The following LANCL2 variants were observed in gnomAD, a reference collection of about 807,000 sequenced individuals.
The protein encoded by LANCL2 is lanC-like protein 2.
Under a neutral mutation model 56.9 loss-of-function variants are expected in LANCL2, and 33 were observed. The ratio of observed to expected loss-of-function variants is 0.58; its 90% CI spans 0.44 to 0.78. The LOEUF is 0.78. LANCL2 is among the 30% of genes least tolerant of loss of function. The probability of loss-of-function intolerance (pLI) is 0.00; values close to 1 mark genes in which losing one functional copy is unlikely to be tolerated. For missense variants in LANCL2, 562 were observed against 580.2 expected (o/e 0.97, Z 0.32); for synonymous variants, 233 against 228.2 (o/e 1.02, Z -0.19).
At chr7:55,405,888 G>A (rs1309754893) in intron 5 of LANCL2, among the ~76,000 whole-genome samples, 11 of 84,084 alleles carry the variant, frequency 1.3e-4, no homozygotes, top group African/African-American at 4.4e-4. Flanking sequence ...TTCTTAGGCA[G>A]TGGCGTGGTA....
chr7:55,365,649 A>T lies in LANCL2; in HGVS notation c.-377A>T, dbSNP rs1789849128. 1 of 172,998 alleles carries T rather than the reference A, an allele frequency of 5.8e-6. No individual in the cohort carries two copies. Among genetic ancestry groups the T allele is most frequent in the South Asian group, 2.0e-4 (1 of 5,042 alleles). 10.7% of individuals were successfully genotyped at this position (172,998 alleles called of 1,614,324 possible). ...GGGCTGGCCGGGCGCAGCGATCCCC[A>T]CCCCGGGACTCCAGCCCCGGCCGTG... On this transcript the variant is annotated 5_prime_UTR_variant, in exon 1 of 9. Transcript: ENST00000254770.
In LANCL2 at chr7:55,395,654, C is replaced by T. The variant is rs567585371; in HGVS notation, c.323-2769C>T. On this transcript the variant is annotated intron_variant, in intron 2 of 8. Coordinates refer to ENST00000254770, the MANE Select transcript of LANCL2 (RefSeq NM_018697.4). Reference sequence around the variant, plus strand: ...AAGATAAAGAGAGACTTCAGTTTTCCAGTCTAGCATATAAAGAGTTTACAA... The same window carrying T: ...AAGATAAAGAGAGACTTCAGTTTTCTAGTCTAGCATATAAAGAGTTTACAA... Among the ~76,000 whole-genome samples the T allele has an allele frequency of 6.6e-5, 10 of 152,186 alleles. No homozygotes were observed. In the South Asian group the frequency reaches 2.1e-3, roughly 32 times the overall value.
chr7:55,392,061 G>A (rs182355654), intron 2 of LANCL2, 151 bp downstream of exon 2: 3 of 475,078 alleles, frequency 6.3e-6, no homozygotes, highest in Non-Finnish European at 1.2e-5. Flanking sequence ...TGGAGGCCGA[G>A]GCAGGTGGAT....
In LANCL2 at chr7:55,366,245, G is replaced by A. The variant is rs555675982; in HGVS notation, c.204+16G>A. Reference sequence around the variant, plus strand: ...GGACGGGAAGGTGAGTCGGCGGCCTGGCCGCAGAGGCGCCGGAGGGGGAGC... The same window carrying A: ...GGACGGGAAGGTGAGTCGGCGGCCTAGCCGCAGAGGCGCCGGAGGGGGAGC... On this transcript the variant is annotated intron_variant, in intron 1 of 8. Transcript: ENST00000254770. 253 of 1,470,296 alleles carry A rather than the reference G, an allele frequency of 1.7e-4. 5 individuals are homozygous for A. The South Asian group carries it at 2.5e-3, about 14-fold the overall frequency. The allele number at this position is 1,470,296 out of a possible 1,614,324, so 91.1% of individuals were successfully genotyped here.
chr7:55,382,128 C>T (rs1009874071), intron 1 of LANCL2, among the ~76,000 whole-genome samples: 1 of 152,164 alleles, frequency 6.6e-6, no homozygotes, highest in Non-Finnish European at 1.5e-5. Context: ...ATAAAAGACA[C>T]ATTTTCAAAA....
At chr7:55,425,470 G>A (rs1165681815) in intron 7 of LANCL2, 40 bp downstream of exon 7, 8 of 1,585,178 alleles carry the variant, frequency 5.0e-6, no homozygotes, top group African/African-American at 4.0e-5. Flanking sequence ...GAACAACCCC[G>A]AGTGTGCACA....
At position 55,432,767 on chromosome 7, in the gene LANCL2, T is replaced by C. The variant is rs1020134389; in HGVS notation, c.*1447T>C. 2.0e-5 allele frequency: 3 copies of C among 152,270 alleles called. No individual in the cohort carries two copies. The highest frequency in any genetic ancestry group is 2.0e-4 in the Admixed American group (3 of 15,292). The allele number at this position is 152,270 out of a possible 1,614,324, so 9.4% of individuals were successfully genotyped here. ...CCCGAAATGTGTGACATTCAGCTTC[T>C]AAACGATGCCTGGAGAGTCTGTTTG... On this transcript the variant is annotated 3_prime_UTR_variant, in exon 9 of 9. Transcript: ENST00000254770.
chr7:55,415,919 T>C (rs1376477118), intron 6 of LANCL2, among the ~76,000 whole-genome samples: 1 of 152,074 alleles, frequency 6.6e-6, no homozygotes, highest in Non-Finnish European at 1.5e-5. Flanking sequence ...CCGGCCAGTT[T>C]ATCATTGTTT....
At chr7:55,416,186 T>C (rs1790537265) in intron 6 of LANCL2, among the ~76,000 whole-genome samples, 1 of 152,202 alleles carries the variant, frequency 6.6e-6, no homozygotes, top group African/African-American at 2.4e-5. Context: ...CATTGTGGTT[T>C]TATTTGTATC....
At chr7:55,395,226 A>G (rs1165679084) in intron 2 of LANCL2, among the ~76,000 whole-genome samples, 1 of 152,214 alleles carries the variant, frequency 6.6e-6, no homozygotes, top group African/African-American at 2.4e-5. Flanking sequence ...TATTTTATCC[A>G]TAATATAAAG....
chr7:55,397,027 T>C (rs1305892781), intron 2 of LANCL2: 1 of 152,180 alleles, frequency 6.6e-6, no homozygotes, highest in African/African-American at 2.4e-5. Context: ...TACTTTCATA[T>C]CCGTTTGACT....
In LANCL2 at chr7:55,365,533, A is replaced by T. The variant is rs1789846535; in HGVS notation, c.-493A>T. The T allele has an allele frequency of 6.6e-6, 1 of 152,406 alleles. No individual in the cohort carries two copies. The highest frequency in any genetic ancestry group is 2.1e-4 in the South Asian group (1 of 4,838). 9.4% of individuals were successfully genotyped at this position (152,406 alleles called of 1,614,324 possible). A position where few individuals can be genotyped will look rare whatever the true frequency, so the allele number is the denominator to read the frequency against. On this transcript the variant is annotated 5_prime_UTR_variant, in exon 1 of 9. Transcript: ENST00000254770. ...TCGCCCCGGTCGGCGACGCGCACAC[A>T]CCTTGAGTGACAGCGACCTCTTCTC...
chr7:55,398,668 C>T, intron 3 of LANCL2, 38 bp downstream of exon 3: 1 of 1,463,378 alleles, frequency 6.8e-7, no homozygotes, highest in Non-Finnish European at 9.6e-7. Flanking sequence ...TCCCAATTCC[C>T]AGTGGAAGCT....
At chr7:55,428,595 T>A (rs1260058463) in intron 8 of LANCL2, 148 bp downstream of exon 8, 2 of 667,910 alleles carry the variant, frequency 3.0e-6, no homozygotes, top group East Asian at 5.4e-5. Context: ...TGCTGAAAAT[T>A]ATGTTGAATC....
intron 8 of LANCL2, among the ~76,000 whole-genome samples, chr7:55,428,801 T>G (rs1359375039): frequency 6.6e-6 from 1 of 151,998 alleles, no homozygotes; most frequent in Admixed American, 6.5e-5. Flanking sequence ...AATAATTACT[T>G]AAATATATTT....
At chr7:55,392,490 A>G (rs1200894226) in intron 2 of LANCL2, among the ~76,000 whole-genome samples, 1 of 151,806 alleles carries the variant, frequency 6.6e-6, no homozygotes, top group Non-Finnish European at 1.5e-5. Context: ...AGCTGGGACC[A>G]CAGGCACATG....
At chr7:55,392,534 A>G (rs1427402614) in intron 2 of LANCL2, among the ~76,000 whole-genome samples, 2 of 131,676 alleles carry the variant, frequency 1.5e-5, no homozygotes, top group East Asian at 2.0e-4. Flanking sequence ...GATTTTTTGT[A>G]AAGACGGAGT....
chr7:55,381,430 A>T (rs4948020), intron 1 of LANCL2, among the ~76,000 whole-genome samples: 54,912 of 152,098 alleles, frequency 0.36, 10,442 homozygotes, highest in East Asian at 0.55. Context: ...TCAAATTCTG[A>T]ACAATGCGTG....
chr7:55,411,624 A>G (rs535048639), intron 5 of LANCL2, among the ~76,000 whole-genome samples: 1 of 152,330 alleles, frequency 6.6e-6, no homozygotes, highest in South Asian at 2.1e-4. Flanking sequence ...AACAAAACCT[A>G]TCTACTCCTA....
Sources: gnomAD v4.1 joint callset for allele counts (sites outside exome capture counted in the v4.1 genomes callset) on GRCh38, gnomAD v4.1.1 for gene constraint, MANE v1.5 for transcripts, NCBI Gene and HGNC (gene_info 2026-07-23, HGNC 2026-07-21) for gene names.